NSD1: variants seen among roughly 807,000 people sequenced by gnomAD.
The protein encoded by NSD1 is nuclear receptor binding SET domain protein 1, also known as histone-lysine N-methyltransferase, H3 lysine-36 specific.
In NSD1, 26 loss-of-function variants were observed where a neutral mutation model predicts 242.7. The ratio of observed to expected loss-of-function variants is 0.11; its 90% CI spans 0.08 to 0.15. The LOEUF is 0.15. Among genes scored for constraint, NSD1 ranks in the 10% least tolerant of loss-of-function variants. NSD1 has a pLI of 1.00. For missense variants in NSD1, 2,495 were observed against 3,272.8 expected (o/e 0.76, Z 5.80); for synonymous variants, 1,106 against 1,178.1 (o/e 0.94, Z 1.25).
intron 2 of NSD1, among the ~76,000 whole-genome samples, chr5:177,155,280 C>T (rs946379897): frequency 2.0e-5 from 3 of 151,892 alleles, no homozygotes; most frequent in Non-Finnish European, 4.4e-5. Flanking sequence ...TTAGCCACCG[C>T]GCCTGGCCTA....
At chr5:177,202,077 A>G (rs1581283365) in intron 3 of NSD1, among the ~76,000 whole-genome samples, 1 of 151,616 alleles carries the variant, frequency 6.6e-6, no homozygotes, top group Non-Finnish European at 1.5e-5. Flanking sequence ...CTGAGGCGGG[A>G]GAATCGCTTG....
At chr5:177,292,324 A>C (rs1759905453) in intron 22 of NSD1, among the ~76,000 whole-genome samples, 166 bp downstream of exon 22, 1 of 152,272 alleles carries the variant, frequency 6.6e-6, no homozygotes, top group Admixed American at 6.5e-5. Context: ...GCAAAGGCTT[A>C]GAATTCTTAG....
At chr5:177,284,949 C>T (rs1297956656) in intron 20 of NSD1, among the ~76,000 whole-genome samples, 1 of 152,176 alleles carries the variant, frequency 6.6e-6, no homozygotes, top group Non-Finnish European at 1.5e-5. Context: ...AAAACACACA[C>T]ACAAAACAAC....
intron 4 of NSD1, among the ~76,000 whole-genome samples, chr5:177,209,129 A>T (rs1344734548): frequency 6.6e-6 from 1 of 152,140 alleles, no homozygotes; most frequent in African/African-American, 2.4e-5. Context: ...TAGCAGAAGT[A>T]TTTTTGAGGA....
intron 14 of NSD1, chr5:177,266,072 T>G (rs1244601000): frequency 6.2e-5 from 69 of 1,116,584 alleles, no homozygotes; most frequent in Non-Finnish European, 8.5e-5. Flanking sequence ...GTCTTTGTAC[T>G]GCCGGTCCTC....
At chr5:177,212,218 A>T (rs1423612088) in intron 5 of NSD1, 23 bp downstream of exon 5, 1 of 1,565,274 alleles carries the variant, frequency 6.4e-7, no homozygotes, top group Non-Finnish European at 8.7e-7. Flanking sequence ...AAATGTGATA[A>T]AAAAAAAAAA....
intron 2 of NSD1, among the ~76,000 whole-genome samples, chr5:177,151,458 G>A (rs1272285296): frequency 6.6e-6 from 1 of 151,802 alleles, no homozygotes; most frequent in Non-Finnish European, 1.5e-5. Flanking sequence ...GCACAGTCTC[G>A]GCTCCCTGCA....
intron 12 of NSD1, among the ~76,000 whole-genome samples, chr5:177,252,820 A>ATTTTTTTTTTTTTTTTT (rs1756114034): frequency 7.5e-6 from 1 of 132,570 alleles, no homozygotes. Flanking sequence ...TTTTCTTAGC[A>ATTTTTTTTTTTTTTTTT]TGATGTGTAG....
Position 177,191,878 on chromosome 5 carries a change from C to T in NSD1, c.928-6C>T, listed in dbSNP as rs1249327111. 5 of 1,613,706 alleles carry T rather than the reference C, an allele frequency of 3.1e-6. No individual in the cohort carries two copies. Among genetic ancestry groups the T allele is most frequent in the Non-Finnish European group, 4.2e-6 (5 of 1,179,852 alleles). On this transcript the variant is annotated splice_polypyrimidine_tract_variant and splice_region_variant and intron_variant, in intron 2 of 22. Coordinates refer to ENST00000439151, the MANE Select transcript of NSD1 (RefSeq NM_022455.5). ...TATTGATGCCCCATGTTTTGTCTGT[C>T]TAAAGTGTCAACCTAAGAAAAAGTC...
At chr5:177,168,487 T>C (rs1010162159) in intron 2 of NSD1, among the ~76,000 whole-genome samples, 2 of 149,156 alleles carry the variant, frequency 1.3e-5, no homozygotes, top group African/African-American at 2.5e-5. Context: ...GGAGACAGAG[T>C]CTCACTTTGT....
At chr5:177,268,294 T>C (rs1286184886) in intron 15 of NSD1, among the ~76,000 whole-genome samples, 1 of 139,026 alleles carries the variant, frequency 7.2e-6, no homozygotes, top group African/African-American at 2.7e-5. Flanking sequence ...TTTTAAAATA[T>C]TTTGATTGAA....
At chr5:177,198,063 G>A (rs1383307072) in intron 3 of NSD1, among the ~76,000 whole-genome samples, 1 of 152,114 alleles carries the variant, frequency 6.6e-6, no homozygotes, top group Non-Finnish European at 1.5e-5. Context: ...AGGCTGGAGT[G>A]CAGTGGCACA....
At chr5:177,152,612 C>T (rs1443345039) in intron 2 of NSD1, among the ~76,000 whole-genome samples, 1 of 151,436 alleles carries the variant, frequency 6.6e-6, no homozygotes, top group African/African-American at 2.4e-5. Context: ...CACCAGCATG[C>T]CTGGCTAATT....
Position 177,295,427 on chromosome 5 carries a change from A to G in NSD1, c.8059A>G (p.Ser2687Gly). The change falls in exon 23 of 23, where the codon AGT becomes GGT. Residue 2687 changes from serine (S) to glycine (G), a missense_variant. Ser to Gly is a moderately conservative substitution (Grantham distance 56). Transcript: ENST00000439151. This position sits in a 1 kb window ranked among gnomAD's most constrained non-coding sequence, Gnocchi z 4.3. Reference protein sequence around the residue: ...TLPALNQAPSSHKCAESEQK With the variant: ...TLPALNQAPSGHKCAESEQK Reference sequence around the variant, plus strand: ...TCCAGCTCTTAACCAGGCTCCTTCCAGTCACAAGTGTGCAGAATCAGAACA... The same window carrying G: ...TCCAGCTCTTAACCAGGCTCCTTCCGGTCACAAGTGTGCAGAATCAGAACA... The G allele has an allele frequency of 2.5e-6, 4 of 1,614,206 alleles. No homozygotes were observed. The highest frequency in any genetic ancestry group is 3.4e-6 in the Non-Finnish European group (4 of 1,180,014).
At chr5:177,251,604 C>T in intron 11 of NSD1, 126 bp from the exon 12 acceptor site, 1 of 885,054 alleles carries the variant, frequency 1.1e-6, no homozygotes, top group Non-Finnish European at 1.8e-6. Context: ...AACTACGGGC[C>T]CTTGCCTCTT....
intron 3 of NSD1, among the ~76,000 whole-genome samples, chr5:177,196,419 A>G (rs1762106891): frequency 6.6e-6 from 1 of 152,194 alleles, no homozygotes. Context: ...TTATGGTGTG[A>G]TGAAAATTGC....
intron 2 of NSD1, among the ~76,000 whole-genome samples, chr5:177,164,063 A>G (rs1198236907): frequency 2.0e-5 from 3 of 152,178 alleles, no homozygotes; most frequent in African/African-American, 7.2e-5. Context: ...TCTGGTCTGC[A>G]TAAAAATTTG....
At chr5:177,254,411 T>G (rs766052284) in intron 12 of NSD1, among the ~76,000 whole-genome samples, 3 of 152,038 alleles carry the variant, frequency 2.0e-5, no homozygotes, top group Non-Finnish European at 2.9e-5. Flanking sequence ...TTTTTTCTTT[T>G]TAATCTGCGA....
chr5:177,212,104 T>C lies in NSD1; in HGVS notation c.3705T>C (p.Asn1235=), dbSNP rs28932181. The C allele has an allele frequency of 0.061, 97,883 of 1,613,878 alleles. 4,592 individuals carry two copies. Among genetic ancestry groups the C allele is most frequent in the African/African-American group, 0.24 (17,958 of 74,870 alleles). The change falls in exon 5 of 23, where the codon AAT becomes AAC. Residue 1235 remains asparagine, a synonymous_variant. Coordinates refer to ENST00000439151, the MANE Select transcript of NSD1 (RefSeq NM_022455.5). Reference sequence around the variant, plus strand: ...TAGATTCAGCTGGGCCACGGTTAAATGTTTGTGATAAATCCAGTGCCAGCA... The same window carrying C: ...TAGATTCAGCTGGGCCACGGTTAAACGTTTGTGATAAATCCAGTGCCAGCA... The part of the protein sequence containing the change: ...DCLDSAGPRL[N]VCDKSSASIG...
Sources: allele counts gnomAD v4.1 joint callset (sites outside exome capture counted in the v4.1 genomes callset), GRCh38; gene constraint gnomAD v4.1.1; non-coding constraint Gnocchi (gnomAD v3.1); transcripts MANE v1.5; gene names NCBI Gene and HGNC (gene_info 2026-07-23, HGNC 2026-07-21).